NAV3: variants seen among roughly 807,000 people sequenced by gnomAD.
NAV3 encodes neuron navigator 3, also known as pore membrane and/or filament interacting like protein 1.
A neutral mutation model predicts 244.7 loss-of-function variants in NAV3; 87 were observed. The ratio of observed to expected loss-of-function variants is 0.36; its 90% confidence interval spans 0.30 to 0.42. NAV3 has a LOEUF of 0.42. Ranked by LOEUF, NAV3 falls within the 20% of genes least tolerant of loss-of-function variation. The pLI, the probability that NAV3 is intolerant of heterozygous loss-of-function variation, is 1.00. For synonymous variants in NAV3, 1,126 were observed against 1,042.2 expected (o/e 1.08, Z -1.55); for missense variants, 2,663 against 2,893.3 (o/e 0.92, Z 1.83).
intron 3 of NAV3, among the ~76,000 whole-genome samples, chr12:77,941,858 A>G (rs1889902135): frequency 6.6e-6 from 1 of 152,242 alleles, no homozygotes; most frequent in Non-Finnish European, 1.5e-5. Context: ...ATCAGGAATG[A>G]CAGCCGAAAT....
At chr12:77,720,795 G>T (rs1002271195) in intron 2 of NAV3, among the ~76,000 whole-genome samples, 4 of 152,056 alleles carry the variant, frequency 2.6e-5, no homozygotes, top group African/African-American at 4.8e-5. Flanking sequence ...CCTCTTAACT[G>T]GTTTCTGGAT....
At chr12:77,778,629 A>G (rs986177021) in intron 2 of NAV3, among the ~76,000 whole-genome samples, 1 of 151,936 alleles carries the variant, frequency 6.6e-6, no homozygotes, top group African/African-American at 2.4e-5. Context: ...AAAAAAAAAA[A>G]AAGAAAATGC....
At chr12:78,032,495 C>T (rs1157041729) in intron 9 of NAV3, among the ~76,000 whole-genome samples, 1 of 152,064 alleles carries the variant, frequency 6.6e-6, no homozygotes, top group Non-Finnish European at 1.5e-5. Flanking sequence ...TTCAGTGCAC[C>T]TCTCCAAAAT....
intron 2 of NAV3, among the ~76,000 whole-genome samples, chr12:77,778,481 G>A (rs947382731): frequency 2.6e-5 from 4 of 151,430 alleles, no homozygotes; most frequent in African/African-American, 4.9e-5. Context: ...GCATGGTGGC[G>A]GGTGCCTGTA....
chr12:77,873,758 AT>A (rs1565878799), intron 1 of NAV3, among the ~76,000 whole-genome samples: 3 of 115,304 alleles, frequency 2.6e-5, no homozygotes, highest in African/African-American at 8.6e-5. Flanking sequence ...ATATATATAT[AT>A]ATATATATGT....
At chr12:77,836,945 T>C (rs78089626) in intron 1 of NAV3, among the ~76,000 whole-genome samples, 1,653 of 152,274 alleles carry the variant, frequency 0.011, 32 homozygotes, top group African/African-American at 0.038. Context: ...TTCTTGCTGT[T>C]GTGTTCACAC....
At chr12:77,691,046 G>A (rs1348099092) in intron 2 of NAV3, among the ~76,000 whole-genome samples, 10 of 150,388 alleles carry the variant, frequency 6.6e-5, no homozygotes, top group Middle Eastern at 3.4e-3. Context: ...CAGTTTAGGT[G>A]TCAAATGGCA....
At chr12:77,673,849 C>T (rs145659838) in intron 2 of NAV3, among the ~76,000 whole-genome samples, 201 of 152,152 alleles carry the variant, frequency 1.3e-3, no homozygotes, top group African/African-American at 4.6e-3. Context: ...ACACAATGAA[C>T]TCTTGCTTTT....
At chr12:78,056,930 T>G (rs1309252583) in intron 11 of NAV3, among the ~76,000 whole-genome samples, 1 of 152,214 alleles carries the variant, frequency 6.6e-6, no homozygotes, top group African/African-American at 2.4e-5. Flanking sequence ...GAATAAAGTT[T>G]CATTTTTTTC....
Position 78,177,328 on chromosome 12 carries a change from C to T in NAV3, c.5297+15C>T, listed in dbSNP as rs1958278079. 1.9e-6 allele frequency: 3 copies of T among 1,598,376 alleles called. No homozygotes were observed. Among genetic ancestry groups the T allele is most frequent in the South Asian group, 1.1e-5 (1 of 88,160 alleles). On this transcript the variant is annotated intron_variant, in intron 27 of 39. Transcript: ENST00000397909. ...TCTGCTTCAGCGTAAGTTGCTCCTT[C>T]TGCAAAATGCAGACATATTTTTTAA... is the stretch of plus-strand genomic sequence containing the variant.
chr12:77,886,752 A>G (rs1349257395), intron 1 of NAV3, among the ~76,000 whole-genome samples: 2 of 152,126 alleles, frequency 1.3e-5, no homozygotes, highest in Non-Finnish European at 2.9e-5. Context: ...TTTTTCTTAC[A>G]TAAATATCTA....
At chr12:77,691,649 C>T (rs1875038591) in intron 2 of NAV3, among the ~76,000 whole-genome samples, 1 of 151,296 alleles carries the variant, frequency 6.6e-6, no homozygotes, top group African/African-American at 2.4e-5. Flanking sequence ...GTTTTTTCTT[C>T]GTTGAATTTT....
At chr12:77,793,719 A>G (rs1871284953) in intron 2 of NAV3, among the ~76,000 whole-genome samples, 1 of 152,154 alleles carries the variant, frequency 6.6e-6, no homozygotes, top group African/African-American at 2.4e-5. Context: ...TATCCAGTCT[A>G]TCATTGTTGG....
chr12:77,769,776 T>C (rs1869976321), intron 2 of NAV3, among the ~76,000 whole-genome samples: 2 of 152,280 alleles, frequency 1.3e-5, no homozygotes, highest in South Asian at 4.1e-4. Flanking sequence ...TCTTTATTAT[T>C]AGACAGTACT....
chr12:77,657,198 A>T (rs1427978573), intron 2 of NAV3, among the ~76,000 whole-genome samples: 6 of 110,544 alleles, frequency 5.4e-5, no homozygotes, highest in Non-Finnish European at 8.4e-5. Flanking sequence ...AACAAAATAG[A>T]TAGACCACTA....
At chr12:78,082,843 CT>C (rs1285229477) in intron 12 of NAV3, among the ~76,000 whole-genome samples, 1 of 152,088 alleles carries the variant, frequency 6.6e-6, no homozygotes, top group Non-Finnish European at 1.5e-5. Flanking sequence ...ATGCCCTTCC[CT>C]TTGTTCTTTT....
chr12:78,144,703 AT>A (rs1056008353), intron 20 of NAV3, among the ~76,000 whole-genome samples: 5 of 152,002 alleles, frequency 3.3e-5, no homozygotes, highest in African/African-American at 9.6e-5. Flanking sequence ...TTTCTTGATT[AT>A]TTTTTAAAAG....
At chr12:77,677,842 C>T (rs1353521751) in intron 2 of NAV3, among the ~76,000 whole-genome samples, 1 of 152,156 alleles carries the variant, frequency 6.6e-6, no homozygotes, top group African/African-American at 2.4e-5. Context: ...AAAATAAAAG[C>T]TACATAAAGT....
intron 3 of NAV3, among the ~76,000 whole-genome samples, chr12:77,955,871 G>A (rs769424546): frequency 2.6e-5 from 4 of 151,550 alleles, no homozygotes; most frequent in African/African-American, 4.8e-5. Flanking sequence ...ACCCTGTCTC[G>A]AAAAAAGAAA....
Sources: gnomAD v4.1 joint callset for allele counts (sites outside exome capture counted in the v4.1 genomes callset) on GRCh38, gnomAD v4.1.1 for gene constraint, MANE v1.5 for transcripts, NCBI Gene and HGNC (gene_info 2026-07-23, HGNC 2026-07-21) for gene names.